The following XPO6 variants were observed in gnomAD, a reference collection of about 807,000 sequenced individuals.
XPO6 encodes the protein exportin 6.
A neutral mutation model predicts 130.0 loss-of-function variants in XPO6; 3 were observed. The observed-to-expected ratio is 0.02, with a 90% CI of 0.01 to 0.06. The LOEUF is 0.06. XPO6 is among the 10% of genes least tolerant of loss of function. The probability of loss-of-function intolerance (pLI) is 1.00; values close to 1 mark genes in which losing one functional copy is unlikely to be tolerated. For missense variants in XPO6, 970 were observed against 1,393.0 expected, an observed-to-expected ratio of 0.70 and a Z score of 4.83; for synonymous variants, 524 against 548.9, an observed-to-expected ratio of 0.95 and a Z score of 0.63.
rs527796561 is a variant in XPO6 at position 28,193,772 on chromosome 16, A to T, written c.4-12741T>A. Among the ~76,000 whole-genome samples, 4 of 152,298 alleles carry T rather than the reference A, an allele frequency of 2.6e-5. No homozygotes were observed. The South Asian group carries it at 6.2e-4, about 24-fold the overall frequency. ...TTCCATGAGCCTTCAATCCCCGCAC[A>T]GCAAGCACGCATCACCCGTCCCACG... On this transcript the variant is annotated intron_variant, in intron 1 of 23. Coordinates refer to ENST00000304658, the MANE Select transcript of XPO6 (RefSeq NM_015171.4).
At chr16:28,187,133 C>T (rs900240685) in intron 1 of XPO6, among the ~76,000 whole-genome samples, 2 of 152,098 alleles carry the variant, frequency 1.3e-5, no homozygotes, top group African/African-American at 2.4e-5. Flanking sequence ...AGGAAGTTTA[C>T]TAGGAGGATA....
chr16:28,106,420 C>T lies in XPO6; in HGVS notation c.2575G>A (p.Glu859Lys). 1 of 1,614,202 alleles carries T rather than the reference C, an allele frequency of 6.2e-7. No homozygotes were observed. Among genetic ancestry groups the T allele is most frequent in the Non-Finnish European group, 8.5e-7 (1 of 1,180,036 alleles). The change falls in exon 19 of 24, where the codon GAG (glutamate) becomes AAG (lysine). Residue 859 changes from glutamate (E) to lysine (K), a missense_variant. Coordinates refer to ENST00000304658, the MANE Select transcript of XPO6 (RefSeq NM_015171.4). The surrounding 1 kb of genome is among the most constrained non-coding windows in gnomAD (Gnocchi z 4.2). The part of the protein sequence containing the change: ...LRVQMGVPFT[E>K]QIIQTFLNMF... ...TTGAGGAAAGTCTGTATGATTTGCT[C>T]AGTGAAAGGCACACCCATCTGTACT...
In XPO6 at chr16:28,119,885, T is replaced by G. The variant is rs1207848295; in HGVS notation, c.1859+1785A>C. Among the ~76,000 whole-genome samples, 10 of 152,260 alleles carry G rather than the reference T, an allele frequency of 6.6e-5. No individual in the cohort carries two copies. In the East Asian group the frequency reaches 1.7e-3, roughly 26 times the overall value. On this transcript the variant is annotated intron_variant, in intron 14 of 23. Coordinates refer to ENST00000304658, the MANE Select transcript of XPO6 (RefSeq NM_015171.4). ...CTTTCTTTTCTTTTTTGAGACAGGGTCTCACTCTGTCACCCAGGCTGGAGA... is the reference window on the plus strand; with the variant it reads ...CTTTCTTTTCTTTTTTGAGACAGGGGCTCACTCTGTCACCCAGGCTGGAGA...
intron 21 of XPO6, among the ~76,000 whole-genome samples, chr16:28,102,371 CCT>C (rs2086672069): frequency 6.6e-6 from 1 of 152,200 alleles, no homozygotes; most frequent in African/African-American, 2.4e-5. Context: ...GGAGCCTCCA[CCT>C]GGAGGTTAAG....
intron 6 of XPO6, among the ~76,000 whole-genome samples, chr16:28,159,222 C>T (rs1239504034): frequency 6.6e-6 from 1 of 151,730 alleles, no homozygotes; most frequent in East Asian, 1.9e-4. Flanking sequence ...CAGAGCAAGA[C>T]TCTGTCTTTA....
At chr16:28,202,045 A>G (rs2043961939) in intron 1 of XPO6, among the ~76,000 whole-genome samples, 1 of 152,208 alleles carries the variant, frequency 6.6e-6, no homozygotes, top group South Asian at 2.1e-4. Flanking sequence ...TTTCATTTGC[A>G]AGAAAGAAAA....
rs557980876 is a variant in XPO6, at chr16:28,206,747, A to T, written c.3+4619T>A. On this transcript the variant is annotated intron_variant, in intron 1 of 23. Coordinates refer to ENST00000304658, the MANE Select transcript of XPO6 (RefSeq NM_015171.4). ...GTAACTTTTTCTCCAGACTTTCTCT[A>T]ATGCTGTGACTGACATACAAAACCT... Among the ~76,000 whole-genome samples, 3 of 152,260 alleles carry T rather than the reference A, an allele frequency of 2.0e-5. No individual in the cohort carries two copies. The East Asian group carries it at 5.8e-4, about 29-fold the overall frequency.
In XPO6 at chr16:28,111,769, T is replaced by C. The variant is rs756382366; in HGVS notation, c.2341+48A>G. On this transcript the variant is annotated intron_variant, in intron 17 of 23. Coordinates refer to ENST00000304658, the MANE Select transcript of XPO6 (RefSeq NM_015171.4). ...AAATCTCATCTGCCACAAAGAACAATGCCTGCCTACCTCCTTCCCCAGCTG... is the reference window on the plus strand; with the variant it reads ...AAATCTCATCTGCCACAAAGAACAACGCCTGCCTACCTCCTTCCCCAGCTG... 2.5e-6 allele frequency: 4 copies of C among 1,594,592 alleles called. No homozygotes were observed. The Admixed American group carries it at 6.9e-5, about 27-fold the overall frequency.
At chr16:28,113,201 C>A in intron 15 of XPO6, 151 bp from the exon 16 acceptor site, 1 of 992,080 alleles carries the variant, frequency 1.0e-6, no homozygotes, top group Non-Finnish European at 1.4e-6. Context: ...CCTATGATGA[C>A]TACAAGAGAA....
Position 28,106,583 on chromosome 16 carries a change from T to C in XPO6, c.2498-86A>G, listed in dbSNP as rs1367000836. The C allele has an allele frequency of 1.3e-5, 13 of 1,036,572 alleles. No homozygotes were observed. Among genetic ancestry groups the C allele is most frequent in the Admixed American group, 1.8e-5 (1 of 54,892 alleles). 64.2% of individuals were successfully genotyped at this position (1,036,572 alleles called of 1,614,324 possible). A position where few individuals can be genotyped will look rare whatever the true frequency, so the allele number is the denominator to read the frequency against. ...GCTTCATCAACCTACTCCTGAAATC[T>C]GCACTATCAGCTTTCTCTACAGCTT... On this transcript the variant is annotated intron_variant, in intron 18 of 23. Coordinates refer to ENST00000304658, the MANE Select transcript of XPO6 (RefSeq NM_015171.4). This position sits in a 1 kb window ranked among gnomAD's most constrained non-coding sequence, Gnocchi z 4.2.
intron 12 of XPO6, among the ~76,000 whole-genome samples, chr16:28,128,155 T>A (rs766786969): frequency 1.1e-4 from 17 of 152,186 alleles, no homozygotes; most frequent in African/African-American, 2.4e-5. Flanking sequence ...ACCCTCTGAA[T>A]GTCAATGGGA....
At chr16:28,187,492 G>A (rs1473724283) in intron 1 of XPO6, among the ~76,000 whole-genome samples, 1 of 151,928 alleles carries the variant, frequency 6.6e-6, no homozygotes, top group Non-Finnish European at 1.5e-5. Context: ...ATGTGTCACT[G>A]TTTCTTCTTG....
chr16:28,187,233 C>T (rs1216683482), intron 1 of XPO6, among the ~76,000 whole-genome samples: 2 of 152,172 alleles, frequency 1.3e-5, no homozygotes, highest in African/African-American at 4.8e-5. Context: ...GTACCTAGCC[C>T]CATCCTGCAT....
Position 28,146,062 on chromosome 16 carries a change from C to A in XPO6, c.1334+32G>T, listed in dbSNP as rs1044860051. 3.3e-6 allele frequency: 5 copies of A among 1,533,436 alleles called. No homozygotes were observed. In the African/African-American group the frequency reaches 6.8e-5, roughly 21 times the overall value. The allele number at this position is 1,533,436 out of a possible 1,614,324, so 95.0% of individuals were successfully genotyped here. ...CCACTAGAATAACTGGCAAAATGAC[C>A]ATATCTAGTTTTCAGTGTTTGAGGA... On this transcript the variant is annotated intron_variant, in intron 9 of 23. Transcript: ENST00000304658.
At chr16:28,176,136 C>T (rs1282635681) in intron 3 of XPO6, 41 bp from the exon 4 acceptor site, 15 of 1,593,912 alleles carry the variant, frequency 9.4e-6, no homozygotes, top group Non-Finnish European at 1.3e-5. Context: ...ACAACCTATA[C>T]ACAAAAATAA....
intron 14 of XPO6, among the ~76,000 whole-genome samples, chr16:28,119,765 T>C (rs1240075383): frequency 6.6e-6 from 1 of 152,242 alleles, no homozygotes; most frequent in Non-Finnish European, 1.5e-5. Context: ...GGGTTGATAA[T>C]GATATCATAG....
intron 17 of XPO6, among the ~76,000 whole-genome samples, chr16:28,108,405 A>T (rs2141241336): frequency 6.6e-6 from 1 of 152,308 alleles, no homozygotes; most frequent in South Asian, 2.1e-4. Flanking sequence ...GACCATCTGA[A>T]GGCTATGTGC....
chr16:28,153,544 T>C, intron 7 of XPO6: 1 of 985,458 alleles, frequency 1.0e-6, no homozygotes, highest in Non-Finnish European at 1.2e-6. Flanking sequence ...ATTCACAAAA[T>C]CATTTCACAG....
chr16:28,156,260 T>A lies in XPO6; in HGVS notation c.911A>T (p.Glu304Val). The change falls in exon 7 of 24, where the codon GAG becomes GTG. Residue 304 changes from glutamate (E) to valine (V), a missense_variant. Around this residue, in one of 4 missense-constraint regions of XPO6, gnomAD observed 936 missense variants for 1,306.8 expected, o/e 0.72. Transcript: ENST00000304658. ...GGCCAGGACCCCCAGCCGGCCGCGCTCCTGACCCGAGACACAGTTCTGGCT... is the reference window on the plus strand; with the variant it reads ...GGCCAGGACCCCCAGCCGGCCGCGCACCTGACCCGAGACACAGTTCTGGCT... ...GSSQNCVSGQ[E>V]RGRLGVLAMS... 2 of 1,614,080 alleles carry A rather than the reference T, an allele frequency of 1.2e-6. No individual in the cohort carries two copies. Among genetic ancestry groups the A allele is most frequent in the Non-Finnish European group, 1.7e-6 (2 of 1,180,008 alleles).
Sources: allele counts gnomAD v4.1 joint callset (sites outside exome capture counted in the v4.1 genomes callset), GRCh38; gene constraint gnomAD v4.1.1; regional missense constraint gnomAD v4.1.1; non-coding constraint Gnocchi (gnomAD v3.1); transcripts MANE v1.5; gene names NCBI Gene and HGNC (gene_info 2026-07-23, HGNC 2026-07-21).